The following CCDC102B variants were observed in gnomAD, a reference collection of about 807,000 sequenced individuals.
CCDC102B encodes the protein coiled-coil domain-containing protein 102B.
Under a neutral mutation model 57.4 loss-of-function variants are expected in CCDC102B, and 75 were observed. That is an observed-to-expected ratio of 1.31 (90% CI 1.08 to 1.58). The LOEUF (loss-of-function observed/expected upper bound fraction) is 1.58, where lower values mean the gene tolerates loss of function less well. CCDC102B is among the 40% of genes most tolerant of loss of function. CCDC102B has a pLI of 0.00. For missense variants in CCDC102B, 636 were observed against 582.6 expected, an observed-to-expected ratio of 1.09 and a Z score of -0.94; for synonymous variants, 206 against 201.9, an observed-to-expected ratio of 1.02 and a Z score of -0.17.
chr18:69,016,065 A>G (rs1305628276), intron 7 of CCDC102B, among the ~76,000 whole-genome samples: 1 of 145,786 alleles, frequency 6.9e-6, no homozygotes, highest in Admixed American at 6.9e-5. Context: ...GGGTTTCAAC[A>G]TGTTAGCCAG....
chr18:68,939,759 T>A (rs1034968281), intron 6 of CCDC102B, among the ~76,000 whole-genome samples: 1 of 151,856 alleles, frequency 6.6e-6, no homozygotes, highest in African/African-American at 2.4e-5. Flanking sequence ...TTTTAAATTT[T>A]CTTTTCAACA....
chr18:68,737,217 A>G (rs1373537060), intron 2 of CCDC102B, among the ~76,000 whole-genome samples: 1 of 152,094 alleles, frequency 6.6e-6, no homozygotes, highest in Non-Finnish European at 1.5e-5. Flanking sequence ...CCGAAAACAA[A>G]GTATTCTTGA....
chr18:68,738,332 A>T (rs139074011), intron 2 of CCDC102B, among the ~76,000 whole-genome samples: 4 of 152,266 alleles, frequency 2.6e-5, no homozygotes, highest in Middle Eastern at 3.4e-3. Context: ...TTATCTAAAG[A>T]TGTCTCTTTG....
At chr18:68,888,955 G>C (rs1174145520) in intron 5 of CCDC102B, among the ~76,000 whole-genome samples, 1 of 151,336 alleles carries the variant, frequency 6.6e-6, no homozygotes, top group Non-Finnish European at 1.5e-5. Context: ...ATTATAATTG[G>C]TAGTTGCAAA....
intron 2 of CCDC102B, among the ~76,000 whole-genome samples, chr18:68,730,640 CA>C (rs1283339880): frequency 3.9e-5 from 6 of 152,152 alleles, no homozygotes; most frequent in Non-Finnish European, 5.9e-5. Context: ...AAATGTTAAA[CA>C]TTAATGTAAT....
chr18:68,756,494 C>T (rs72958010), intron 2 of CCDC102B, among the ~76,000 whole-genome samples: 19,038 of 152,102 alleles, frequency 0.13, 1,457 homozygotes, highest in East Asian at 0.3. Flanking sequence ...AAATTGCCAA[C>T]GTTGATTATA....
chr18:68,767,596 T>C (rs2034510357), intron 2 of CCDC102B, among the ~76,000 whole-genome samples: 1 of 152,238 alleles, frequency 6.6e-6, no homozygotes. Context: ...GCTTCATACA[T>C]GATACTAGAA....
At chr18:68,929,733 TC>T (rs2041601821) in intron 6 of CCDC102B, among the ~76,000 whole-genome samples, 2 of 151,846 alleles carry the variant, frequency 1.3e-5, no homozygotes, top group African/African-American at 4.8e-5. Flanking sequence ...TTTTCTTGGG[TC>T]TTACCTTTGA....
At chr18:69,043,691 T>TA (rs1178696893) in intron 7 of CCDC102B, among the ~76,000 whole-genome samples, 1 of 151,912 alleles carries the variant, frequency 6.6e-6, no homozygotes, top group Non-Finnish European at 1.5e-5. Flanking sequence ...GGGTTGGGGG[T>TA]AAGGTCATAG....
chr18:68,882,297 CAAT>C (rs2039719675), intron 5 of CCDC102B, among the ~76,000 whole-genome samples: 1 of 152,184 alleles, frequency 6.6e-6, no homozygotes, highest in Admixed American at 6.5e-5. Flanking sequence ...TCTTTTCTTA[CAAT>C]GACTTTAGCA....
intron 2 of CCDC102B, among the ~76,000 whole-genome samples, chr18:68,762,331 A>T: frequency 6.6e-6 from 1 of 152,166 alleles, no homozygotes; most frequent in East Asian, 1.9e-4. Flanking sequence ...ATAATTTATT[A>T]TAACTAAATT....
chr18:68,715,363 T>C lies in CCDC102B; in HGVS notation c.-134+2T>C. On this transcript the variant is annotated splice_donor_variant, in intron 1 of 3. Coordinates refer to the CCDC102B transcript ENST00000578970. LOFTEE classifies it low-confidence loss of function (5UTR_SPLICE). ...GGTGAAAGTTATGCTGAGGGTGAGG[T>C]AGGCTCTGACGACGCACTTGCAGGT... is the stretch of plus-strand genomic sequence containing the variant. 1 of 653,840 alleles carries C rather than the reference T, an allele frequency of 1.5e-6. No homozygotes were observed. The highest frequency in any genetic ancestry group is 2.0e-5 in the African/African-American group (1 of 49,286). 40.5% of individuals were successfully genotyped at this position (653,840 alleles called of 1,614,324 possible).
In CCDC102B at chr18:68,804,967, A is replaced by G. The variant is rs149440060; in HGVS notation, c.-16+6786A>G. ...CAAACTAGTTAAACAGGAGAGGAGT[A>G]TATTTGAGGAGGCCATGTCCTGGAG... is the stretch of plus-strand genomic sequence containing the variant. On this transcript the variant is annotated intron_variant, in intron 1 of 7. Coordinates refer to ENST00000360242, the MANE Select transcript of CCDC102B (RefSeq NM_024781.3). Among the ~76,000 whole-genome samples, 611 of 151,824 alleles carry G rather than the reference A, an allele frequency of 4.0e-3. 9 individuals carry two copies. The highest frequency in any genetic ancestry group is 0.014 in the African/African-American group (569 of 41,386).
At chr18:69,013,965 C>G (rs1037178388) in intron 7 of CCDC102B, among the ~76,000 whole-genome samples, 10 of 152,232 alleles carry the variant, frequency 6.6e-5, no homozygotes, top group South Asian at 2.1e-4. Context: ...AGCTCTGAAT[C>G]TATTAGTTTC....
chr18:68,837,446 A>G, intron 2 of CCDC102B, 77 bp downstream of exon 2: 1 of 1,383,996 alleles, frequency 7.2e-7, no homozygotes. Flanking sequence ...GAAGTGACAA[A>G]TGCAATGGTG....
intron 6 of CCDC102B, among the ~76,000 whole-genome samples, chr18:68,909,423 A>G (rs528135381): frequency 6.6e-6 from 1 of 152,362 alleles, no homozygotes; most frequent in South Asian, 2.1e-4. Flanking sequence ...ATTTTCATAC[A>G]GGATCACCAG....
chr18:68,715,272 C>T (rs2031870836), exon 1 of CCDC102B: 1 of 1,300,164 alleles, frequency 7.7e-7, no homozygotes, highest in South Asian at 1.7e-5. Context: ...GGGAACCCTG[C>T]TTAAGGGCTT....
At chr18:68,720,785 C>G (rs1327658963) in intron 2 of CCDC102B, among the ~76,000 whole-genome samples, 1 of 152,088 alleles carries the variant, frequency 6.6e-6, no homozygotes, top group African/African-American at 2.4e-5. Context: ...TAGAAGACTC[C>G]TGACTCATAT....
chr18:68,795,493 C>T (rs1294975439), upstream of CCDC102B, among the ~76,000 whole-genome samples: 1 of 152,132 alleles, frequency 6.6e-6, no homozygotes, highest in Non-Finnish European at 1.5e-5. Flanking sequence ...TGTCAGTCAG[C>T]AATACTCTTT....
Sources: gnomAD v4.1 joint callset for allele counts (sites outside exome capture counted in the v4.1 genomes callset) on GRCh38, gnomAD v4.1.1 for gene constraint, MANE v1.5 for transcripts, NCBI Gene and HGNC (gene_info 2026-07-23, HGNC 2026-07-21) for gene names.